The following CXorf66 variants were observed in gnomAD, a reference collection of about 807,000 sequenced individuals.
The protein encoded by CXorf66 is chromosome X open reading frame 66.
In CXorf66, 6 loss-of-function variants were observed where a neutral mutation model predicts 5.0. The ratio of observed to expected loss-of-function variants is 1.20; its 90% CI spans 0.65 to 2.36. The LOEUF (loss-of-function observed/expected upper bound fraction) is 2.36. Ranked by LOEUF, CXorf66 falls within the 30% of genes most tolerant of loss-of-function variation. The pLI is 0.00. For missense variants in CXorf66, 270 were observed against 254.9 expected (o/e 1.06, Z -0.40); for synonymous variants, 98 against 102.8 (o/e 0.95, Z 0.28).
At chrX:139,964,036 T>A (rs953645808) in intron 1 of CXorf66, among the ~76,000 whole-genome samples, 1 of 111,535 alleles carries the variant, frequency 9.0e-6, no homozygotes, top group African/African-American at 3.3e-5. Flanking sequence ...CCAAAAGCAA[T>A]GGCAACAAAA....
rs755958848 is a variant in CXorf66, at chrX:139,958,087, G to A, written c.219C>T (p.Ser73=). The A allele has an allele frequency of 9.2e-6, 11 of 1,199,839 alleles. No homozygotes were observed. Among genetic ancestry groups the A allele is most frequent in the Admixed American group, 2.3e-5 (1 of 43,672 alleles). The part of the protein sequence containing the change: ...CFCYLHYNCL[S]DDASKAGMVK... ...ACATTCCTGCTTTGGACGCATCATC[G>A]CTCAGACAATTATAATGGAGATAAC... The change falls in exon 2 of 3, where the codon AGC becomes AGT. Residue 73 remains serine (S), a synonymous_variant. Coordinates refer to ENST00000370540, the MANE Select transcript of CXorf66 (RefSeq NM_001013403.3).
In CXorf66 at chrX:139,958,283, G is replaced by A. The variant is rs186449735; in HGVS notation, c.89-66C>T. On this transcript the variant is annotated intron_variant, in intron 1 of 2. Transcript: ENST00000370540. Reference sequence around the variant, plus strand: ...CAAGTTTTTTTCCACATTGATAGTGGTTTGATAGTGTAGATCAAAATAACA... The same window carrying A: ...CAAGTTTTTTTCCACATTGATAGTGATTTGATAGTGTAGATCAAAATAACA... 69 of 746,815 alleles carry A rather than the reference G, an allele frequency of 9.2e-5. 1 individual carries two copies. In the Middle Eastern group the frequency reaches 2.8e-3, roughly 31 times the overall value. The allele number at this position is 746,815 out of a possible 1,213,427, so 61.5% of individuals were successfully genotyped here.
chrX:139,956,241 C>A lies in CXorf66; in HGVS notation c.741G>T (p.Arg247Ser). Reference sequence around the variant, plus strand: ...AGGCTGCCCTGCCTAGACTCACTGACCTTTTTGGATTAAAATGTTTGGGAG... The same window carrying A: ...AGGCTGCCCTGCCTAGACTCACTGAACTTTTTGGATTAAAATGTTTGGGAG... ...AKPPKHFNPK[R>S]SVSLGRAALL... is the part of the protein sequence containing the mutation. Residue 247 changes from arginine (R) to serine (S), a missense_variant, in exon 3 of 3, where the codon AGG (arginine) becomes AGT (serine). Coordinates refer to ENST00000370540, the MANE Select transcript of CXorf66 (RefSeq NM_001013403.3). 2 of 1,211,719 alleles carry A rather than the reference C, an allele frequency of 1.7e-6. No individual in the cohort carries two copies. The highest frequency in any genetic ancestry group is 2.2e-6 in the Non-Finnish European group (2 of 895,503).
In CXorf66 at chrX:139,956,282, G is replaced by A. The variant is rs766652751; in HGVS notation, c.700C>T (p.Gln234Ter). 21 of 1,209,924 alleles carry A rather than the reference G, an allele frequency of 1.7e-5. No homozygotes were observed. In the African/African-American group the frequency reaches 3.0e-4, roughly 17 times the overall value. Residue 234 changes from glutamine (Q) to a stop codon, truncating the protein, a stop_gained, in exon 3 of 3, where the codon CAG becomes TAG. Transcript: ENST00000370540. LOFTEE classifies it low-confidence loss of function (END_TRUNC). ...TGTTTGGGAGGCTTAGCCAATTCCT[G>A]TGGACCGAATGGCTTGGATGGTGAG... ...EISPSKPFGP[Q>*]ELAKPPKHFN...
intron 1 of CXorf66, among the ~76,000 whole-genome samples, chrX:139,961,119 A>G (rs1423153228): frequency 8.9e-6 from 1 of 112,158 alleles, no homozygotes; most frequent in Non-Finnish European, 1.9e-5. Flanking sequence ...TGCTCCAATT[A>G]AAAGACATAG....
At chrX:139,963,388 A>G (rs2085601543) in intron 1 of CXorf66, among the ~76,000 whole-genome samples, 1 of 111,775 alleles carries the variant, frequency 8.9e-6, no homozygotes, top group Non-Finnish European at 1.9e-5. Context: ...GAGAACTACA[A>G]ACCACTGCTC....
intron 1 of CXorf66, among the ~76,000 whole-genome samples, chrX:139,961,336 G>A (rs190728324): frequency 5.4e-4 from 60 of 111,344 alleles, no homozygotes; most frequent in African/African-American, 1.8e-3. Flanking sequence ...GACAAACAAG[G>A]GCATTACATA....
In CXorf66 at chrX:139,956,606, C is replaced by T; in HGVS notation, c.376G>A (p.Glu126Lys). 6 of 1,211,366 alleles carry T rather than the reference C, an allele frequency of 5.0e-6. No homozygotes were observed. Among genetic ancestry groups the T allele is most frequent in the Non-Finnish European group, 5.6e-6 (5 of 895,468 alleles). ...ADKSSDSSSP[E>K]RASAQSSTEK... Reference sequence around the variant, plus strand: ...GTGCTGGATTGTGCGGATGCCCTTTCTGGACTCGATGAATCAGATGACTTG... The same window carrying T: ...GTGCTGGATTGTGCGGATGCCCTTTTTGGACTCGATGAATCAGATGACTTG... The change falls in exon 3 of 3, where the codon GAA (glutamate) becomes AAA (lysine). Residue 126 changes from glutamate to lysine, a missense_variant. Transcript: ENST00000370540.
chrX:139,956,521 T>C lies in CXorf66; in HGVS notation c.461A>G (p.Lys154Arg). The C allele has an allele frequency of 8.3e-7, 1 of 1,211,888 alleles. No homozygotes were observed. Among genetic ancestry groups the C allele is most frequent in the Non-Finnish European group, 1.1e-6 (1 of 895,526 alleles). ...TTTTGGATATGATGGCCTAGTTAAC[T>C]TTCCTGCACTGTTTGGTATGGATGG... ...QKPSIPNSAGKLTRPSYPKRS... is the reference protein window; with the variant it reads ...QKPSIPNSAGRLTRPSYPKRS... The change falls in exon 3 of 3, where the codon AAG (lysine) becomes AGG (arginine). Residue 154 changes from lysine to arginine, a missense_variant. Lys to Arg is a conservative substitution (Grantham distance 26, BLOSUM62 2). Coordinates refer to ENST00000370540, the MANE Select transcript of CXorf66 (RefSeq NM_001013403.3).
chrX:139,961,260 A>G (rs987862110), intron 1 of CXorf66, among the ~76,000 whole-genome samples: 2 of 111,896 alleles, frequency 1.8e-5, no homozygotes, highest in African/African-American at 6.5e-5. Context: ...TGGAAAGCCA[A>G]AAAAAGCAGG....
At chrX:139,959,482 G>A (rs1004603733) in intron 1 of CXorf66, among the ~76,000 whole-genome samples, 1 of 112,391 alleles carries the variant, frequency 8.9e-6, no homozygotes, top group Admixed American at 9.4e-5. Flanking sequence ...GTGGCTGTAG[G>A]CACAGTTTCT....
Position 139,956,460 on chromosome X carries a change from G to A in CXorf66, c.522C>T (p.Ser174=), listed in dbSNP as rs1207240235. 2 of 1,211,598 alleles carry A rather than the reference G, an allele frequency of 1.7e-6. No homozygotes were observed. The highest frequency in any genetic ancestry group is 1.8e-5 in the South Asian group (1 of 57,010). ...SSKSSCSKKL[S]KSSHLEKAHK... ...GTGCCTTTTCCAGGTGAGATGACTT[G>A]CTTAATTTTTTTGAGCATGATGACT... Residue 174 remains serine, a synonymous_variant, in exon 3 of 3, where the codon AGC becomes AGT. Coordinates refer to ENST00000370540, the MANE Select transcript of CXorf66 (RefSeq NM_001013403.3).
chrX:139,961,249 A>C (rs1185286658), intron 1 of CXorf66, among the ~76,000 whole-genome samples: 1 of 111,968 alleles, frequency 8.9e-6, no homozygotes, highest in African/African-American at 3.2e-5. Context: ...TACCAAGTGA[A>C]TGGAAAGCCA....
chrX:139,963,122 GTC>G (rs2148219212), intron 1 of CXorf66, among the ~76,000 whole-genome samples: 1 of 111,609 alleles, frequency 9.0e-6, no homozygotes, highest in South Asian at 3.8e-4. Flanking sequence ...AAGTCAAATT[GTC>G]TCTGTTTGCA....
Position 139,956,025 on chromosome X carries a change from T to C in CXorf66, c.957A>G (p.Ala319=). The C allele has an allele frequency of 8.3e-7, 1 of 1,211,472 alleles. No homozygotes were observed. Among genetic ancestry groups the C allele is most frequent in the East Asian group, 3.0e-5 (1 of 33,820 alleles). The change falls in exon 3 of 3, where the codon GCA becomes GCG. Residue 319 remains alanine, a synonymous_variant. Coordinates refer to ENST00000370540, the MANE Select transcript of CXorf66 (RefSeq NM_001013403.3). ...CACTGTCATTCACATGATCACCGTATGCATTGTTCCTGGAATCTAACTTAC... is the reference window on the plus strand; with the variant it reads ...CACTGTCATTCACATGATCACCGTACGCATTGTTCCTGGAATCTAACTTAC... ...SFRKLDSRNN[A]YGDHVNDSDT... is the part of the protein sequence containing the mutation.
At chrX:139,959,652 C>T (rs970709078) in intron 1 of CXorf66, among the ~76,000 whole-genome samples, 1 of 112,095 alleles carries the variant, frequency 8.9e-6, no homozygotes, top group African/African-American at 3.2e-5. Context: ...CAGGGGTCAA[C>T]AGACATCTCA....
rs371532440 is a variant in CXorf66, at chrX:139,956,086, A to T, written c.896T>A (p.Val299Asp). Residue 299 changes from valine (V) to aspartate (D), a missense_variant, in exon 3 of 3, where the codon GTT becomes GAT. Transcript: ENST00000370540. Reference protein sequence around the residue: ...AKEKNTQNLHVSSKVKSSSRS... With the variant: ...AKEKNTQNLHDSSKVKSSSRS... ...GGAAGAGGACTTGACTTTGCTTGAA[A>T]CATGTAGGTTTTGAGTGTTTTTCTC... The T allele has an allele frequency of 2.5e-6, 3 of 1,211,355 alleles. No individual in the cohort carries two copies. The highest frequency in any genetic ancestry group is 2.2e-6 in the Non-Finnish European group (2 of 895,148).
In CXorf66 at chrX:139,955,862, T is replaced by C. The variant is rs373697036; in HGVS notation, c.*34A>G. The stretch of plus-strand genomic sequence containing the variant: ...CATAAAATAGTTGGTATAAGTTTGC[T>C]CTTTCACACTTGGATTTTATTTTTG... On this transcript the variant is annotated 3_prime_UTR_variant, in exon 3 of 3. Transcript: ENST00000370540. The C allele has an allele frequency of 8.1e-5, 93 of 1,145,788 alleles. No individual in the cohort carries two copies. Among genetic ancestry groups the C allele is most frequent in the Admixed American group, 3.1e-4 (11 of 35,387 alleles). The allele number at this position is 1,145,788 out of a possible 1,213,427, so 94.4% of individuals were successfully genotyped here. A position where few individuals can be genotyped will look rare whatever the true frequency, so the allele number is the denominator to read the frequency against.
rs776259885 is a variant in CXorf66, at chrX:139,955,731, A to G, written c.*165T>C. ...GAAATAATAATTACAATAGTAATTT[A>G]TGTCATGCATTTTATTGATATTTTT... is the stretch of plus-strand genomic sequence containing the variant. On this transcript the variant is annotated 3_prime_UTR_variant, in exon 3 of 3. Coordinates refer to ENST00000370540, the MANE Select transcript of CXorf66 (RefSeq NM_001013403.3). The G allele has an allele frequency of 1.9e-5, 8 of 413,597 alleles. No homozygotes were observed. The highest frequency in any genetic ancestry group is 1.4e-3 in the Middle Eastern group (2 of 1,475). 34.1% of individuals were successfully genotyped at this position (413,597 alleles called of 1,213,427 possible).
Sources: allele counts gnomAD v4.1 joint callset (sites outside exome capture counted in the v4.1 genomes callset), GRCh38; gene constraint gnomAD v4.1.1; transcripts MANE v1.5; gene names NCBI Gene and HGNC (gene_info 2026-07-23, HGNC 2026-07-21).